The following ARHGAP23 variants were observed in gnomAD, a reference collection of about 807,000 sequenced individuals.
ARHGAP23 encodes the protein Rho GTPase activating protein 23.
Under a neutral mutation model 136.3 loss-of-function variants are expected in ARHGAP23, and 34 were observed. The ratio of observed to expected loss-of-function variants is 0.25; its 90% CI spans 0.19 to 0.33. The LOEUF is 0.33. Among genes scored for constraint, ARHGAP23 ranks in the 10% least tolerant of loss-of-function variants. The pLI is 1.00. For synonymous variants in ARHGAP23, 832 were observed against 920.5 expected, an observed-to-expected ratio of 0.90 and a Z score of 1.74; for missense variants, 1,808 against 2,139.0, an observed-to-expected ratio of 0.85 and a Z score of 3.05.
chr17:38,509,919 G>C (rs1451417660), intron 23 of ARHGAP23, 25 bp from the exon 24 acceptor site: 17 of 1,245,104 alleles, frequency 1.4e-5, no homozygotes, highest in Non-Finnish European at 1.6e-5. Flanking sequence ...GGCGCCCCCC[G>C]CATCCTGACC....
intron 14 of ARHGAP23, 138 bp downstream of exon 14, chr17:38,480,021 C>G: frequency 5.5e-6 from 7 of 1,263,990 alleles, no homozygotes; most frequent in Non-Finnish European, 6.5e-6. Flanking sequence ...TGTCTGTCTG[C>G]GTGTGCATGC....
chr17:38,445,303 T>TAAAA (rs61636599), intron 1 of ARHGAP23, among the ~76,000 whole-genome samples: 2 of 111,588 alleles, frequency 1.8e-5, no homozygotes, highest in African/African-American at 3.4e-5. Flanking sequence ...TGTCTCTACT[T>TAAAA]AAAAAAAAAA....
At chr17:38,455,382 A>G (rs2039298370) in intron 1 of ARHGAP23, among the ~76,000 whole-genome samples, 1 of 152,150 alleles carries the variant, frequency 6.6e-6, no homozygotes, top group East Asian at 1.9e-4. Context: ...GAAGGAAGGA[A>G]CAGAGGAAAG....
intron 1 of ARHGAP23, among the ~76,000 whole-genome samples, chr17:38,430,420 G>A (rs919374708): frequency 6.6e-6 from 1 of 152,016 alleles, no homozygotes; most frequent in Non-Finnish European, 1.5e-5. Context: ...CCCTCTCCTC[G>A]GGCTGACCCT....
rs981369147 is a variant in ARHGAP23 at position 38,510,156 on chromosome 17, C to T, written c.3660C>T (p.Ala1220=). 2 of 1,283,332 alleles carry T rather than the reference C, an allele frequency of 1.6e-6. No homozygotes were observed. The highest frequency in any genetic ancestry group is 1.5e-5 in the African/African-American group (1 of 64,536). The allele number at this position is 1,283,332 out of a possible 1,614,324, so 79.5% of individuals were successfully genotyped here. The part of the protein sequence containing the change: ...QERPQGPLPG[A]VAPEAPGRLS... ...GGCCGCAGGGGCCGCTGCCTGGCGC[C>T]GTCGCCCCCGAGGCCCCCGGACGCC... is the stretch of plus-strand genomic sequence containing the variant. The change falls in exon 24 of 24, where the codon GCC becomes GCT. Residue 1220 remains alanine, a synonymous_variant. Transcript: ENST00000622683. The surrounding 1 kb of genome is among the most constrained non-coding windows in gnomAD (Gnocchi z 4.6).
Position 38,467,016 on chromosome 17 carries a change from G to A in ARHGAP23, c.1333G>A (p.Gly445Arg). 1.3e-6 allele frequency: 2 copies of A among 1,550,786 alleles called. No homozygotes were observed. Reference sequence around the variant, plus strand: ...CTCCTTCCGGGACTCACCCTTTGGGGGGCTGCCTACCTTCAACCTGGCCCA... The same window carrying A: ...CTCCTTCCGGGACTCACCCTTTGGGAGGCTGCCTACCTTCAACCTGGCCCA... Reference protein sequence around the residue: ...ALSFRDSPFGGLPTFNLAQSP... With the variant: ...ALSFRDSPFGRLPTFNLAQSP... The change falls in exon 7 of 24, where the codon GGG (glycine) becomes AGG (arginine). Residue 445 changes from glycine (G) to arginine (R), a missense_variant. Transcript: ENST00000622683.
intron 1 of ARHGAP23, among the ~76,000 whole-genome samples, chr17:38,436,965 C>G (rs1208583120): frequency 6.6e-6 from 1 of 152,220 alleles, no homozygotes; most frequent in African/African-American, 2.4e-5. Flanking sequence ...TCCTTTCTCT[C>G]ATCTGTTTCC....
At chr17:38,486,167 G>A in intron 17 of ARHGAP23, 27 bp downstream of exon 17, 1 of 1,541,278 alleles carries the variant, frequency 6.5e-7, no homozygotes, top group Non-Finnish European at 8.8e-7. Flanking sequence ...AGTGGGGCGG[G>A]GAGGGGACAC....
At chr17:38,439,099 C>T (rs1875999346) in intron 1 of ARHGAP23, among the ~76,000 whole-genome samples, 1 of 151,914 alleles carries the variant, frequency 6.6e-6, no homozygotes, top group Non-Finnish European at 1.5e-5. Flanking sequence ...ATCACTTGAA[C>T]CCGGGAGGTG....
chr17:38,429,419 G>A (rs1416875058), intron 1 of ARHGAP23, among the ~76,000 whole-genome samples: 2 of 152,226 alleles, frequency 1.3e-5, no homozygotes, highest in Non-Finnish European at 2.9e-5. Context: ...ACACTGTCAG[G>A]CCAACAGTTT....
Position 38,510,567 on chromosome 17 carries a change from C to A in ARHGAP23, c.4071C>A (p.Pro1357=), listed in dbSNP as rs2040737944. ...CCAGCAGCCAGGAGTCGCTGCGGCC[C>A]CCGGCGGCGGCGCTGGCCTCCCGGC... ...ASSSSQESLR[P]PAAALASRPS... is the part of the protein sequence containing the mutation. The change falls in exon 24 of 24, where the codon CCC becomes CCA. Residue 1357 remains proline, a synonymous_variant. Transcript: ENST00000622683. This position sits in a 1 kb window ranked among gnomAD's most constrained non-coding sequence, Gnocchi z 4.6. The A allele has an allele frequency of 1.6e-6, 2 of 1,239,874 alleles. No individual in the cohort carries two copies. Among genetic ancestry groups the A allele is most frequent in the East Asian group, 3.5e-5 (1 of 28,676 alleles). The allele number at this position is 1,239,874 out of a possible 1,614,324, so 76.8% of individuals were successfully genotyped here. A position where few individuals can be genotyped will look rare whatever the true frequency, so the allele number is the denominator to read the frequency against.
rs540340393 is a variant in ARHGAP23, at chr17:38,499,199, C to T, written c.3415+689C>T. On this transcript the variant is annotated intron_variant, in intron 22 of 23. Coordinates refer to ENST00000622683, the MANE Select transcript of ARHGAP23 (RefSeq NM_001199417.2). ...CCCCGTTGCCTGGACACCTGGGCAT[C>T]GAATTGCTGCCCTCCTGCAGTGCCA... Among the ~76,000 whole-genome samples the T allele has an allele frequency of 3.9e-5, 6 of 152,362 alleles. No individual in the cohort carries two copies. The South Asian group carries it at 8.3e-4, about 21-fold the overall frequency.
intron 9 of ARHGAP23, 101 bp downstream of exon 9, chr17:38,469,736 A>C: frequency 1.3e-6 from 2 of 1,501,590 alleles, no homozygotes; most frequent in East Asian, 2.5e-5. Flanking sequence ...TGCATGGGAC[A>C]GTGTGCCTCC....
chr17:38,480,399 C>G (rs924689825), intron 14 of ARHGAP23, among the ~76,000 whole-genome samples: 1 of 151,986 alleles, frequency 6.6e-6, no homozygotes, highest in Non-Finnish European at 1.5e-5. Flanking sequence ...TTTGGGAGGC[C>G]GAGGTGGGCG....
chr17:38,465,965 C>G (rs1006413005), intron 6 of ARHGAP23, among the ~76,000 whole-genome samples: 1 of 152,058 alleles, frequency 6.6e-6, no homozygotes, highest in African/African-American at 2.4e-5. Flanking sequence ...GCCTGCGTCT[C>G]AAAGGCTTCT....
chr17:38,509,700 TGGGA>T (rs1281079505), intron 23 of ARHGAP23, among the ~76,000 whole-genome samples: 1 of 152,126 alleles, frequency 6.6e-6, no homozygotes, highest in African/African-American at 2.4e-5. Flanking sequence ...AAGGGGGCTT[TGGGA>T]GACCAGCCCA....
chr17:38,424,665 G>T (rs1018562646), upstream of ARHGAP23, among the ~76,000 whole-genome samples: 5 of 152,170 alleles, frequency 3.3e-5, no homozygotes, highest in African/African-American at 7.2e-5. Context: ...TGGACCCACG[G>T]TTTAAGCAGC....
chr17:38,483,141 C>T (rs1290173636), intron 16 of ARHGAP23, among the ~76,000 whole-genome samples: 2 of 152,202 alleles, frequency 1.3e-5, no homozygotes, highest in Non-Finnish European at 2.9e-5. Flanking sequence ...TTCTCTTCCT[C>T]CTCCTTCTCT....
At chr17:38,473,659 A>G (rs762686906) in intron 11 of ARHGAP23, among the ~76,000 whole-genome samples, 3 of 141,518 alleles carry the variant, frequency 2.1e-5, no homozygotes, top group Non-Finnish European at 4.5e-5. Flanking sequence ...CAGTGCACAG[A>G]CTGCCGTGAT....
Sources: allele counts gnomAD v4.1 joint callset (sites outside exome capture counted in the v4.1 genomes callset), GRCh38; gene constraint gnomAD v4.1.1; non-coding constraint Gnocchi (gnomAD v3.1); transcripts MANE v1.5; gene names NCBI Gene and HGNC (gene_info 2026-07-23, HGNC 2026-07-21).